Variants in LFNG observed in about 807,000 individuals in gnomAD.
LFNG encodes beta-1,3-N-acetylglucosaminyltransferase lunatic fringe.
A neutral mutation model predicts 32.7 loss-of-function variants in LFNG; 15 were observed. That is an observed-to-expected ratio of 0.46 (90% CI 0.31 to 0.71). The LOEUF is 0.71. LFNG is among the 30% of genes least tolerant of loss of function. The pLI is 0.06. For synonymous variants in LFNG, 274 were observed against 246.8 expected (o/e 1.11, Z -1.03); for missense variants, 520 against 545.7 (o/e 0.95, Z 0.47).
At chr7:2,516,070 C>A (rs893411887), upstream of LFNG, among the ~76,000 whole-genome samples, 4 of 152,230 alleles carry the variant, frequency 2.6e-5, no homozygotes, top group Admixed American at 2.6e-4. Context: ...CTGGGGGCTT[C>A]AAACACTGCC....
At chr7:2,524,060 G>A (rs927276295) in intron 1 of LFNG, among the ~76,000 whole-genome samples, 2 of 152,142 alleles carry the variant, frequency 1.3e-5, no homozygotes, top group Non-Finnish European at 2.9e-5. Context: ...TGCTTAACTC[G>A]GCCGAGTTAA....
At chr7:2,513,256 G>C, upstream of LFNG, 1 of 1,613,192 alleles carries the variant, frequency 6.2e-7, no homozygotes, top group Non-Finnish European at 8.5e-7. Flanking sequence ...CAGATGGATG[G>C]ATGGATGGAT....
Position 2,526,755 on chromosome 7 carries a change from A to T in LFNG, c.988-81A>T, listed in dbSNP as rs1779989230. 6 of 1,351,022 alleles carry T rather than the reference A, an allele frequency of 4.4e-6. No individual in the cohort carries two copies. Among genetic ancestry groups the T allele is most frequent in the Non-Finnish European group, 6.3e-6 (6 of 946,818 alleles). The allele number at this position is 1,351,022 out of a possible 1,614,324, so 83.7% of individuals were successfully genotyped here. Reference sequence around the variant, plus strand: ...GAGGCCAGGGCAGGGCCGTTGCCTCACTCAGGGCTGTGTGGCCAGCCTGGG... The same window carrying T: ...GAGGCCAGGGCAGGGCCGTTGCCTCTCTCAGGGCTGTGTGGCCAGCCTGGG... On this transcript the variant is annotated intron_variant, in intron 6 of 7. Transcript: ENST00000222725. The surrounding 1 kb of genome is among the most constrained non-coding windows in gnomAD (Gnocchi z 6.9).
chr7:2,519,670 G>A (rs528022110), upstream of LFNG, among the ~76,000 whole-genome samples: 1 of 149,414 alleles, frequency 6.7e-6, no homozygotes, highest in Non-Finnish European at 1.5e-5. Flanking sequence ...GGCGTGGAGC[G>A]GCGACCGGCG....
chr7:2,518,399 G>A (rs960776620), upstream of LFNG: 10 of 659,594 alleles, frequency 1.5e-5, no homozygotes, highest in Middle Eastern at 1.2e-3. Context: ...CCACCCAGCG[G>A]GTACAGGGGC....
chr7:2,526,798 C>T lies in LFNG; in HGVS notation c.988-38C>T, dbSNP rs201458148. The T allele has an allele frequency of 5.7e-6, 9 of 1,589,312 alleles. No homozygotes were observed. In the East Asian group the frequency reaches 6.7e-5, roughly 12 times the overall value. ...AGCCTGGGGCGGGGCCCAGGGATGT[C>T]GGGCCCCTCCCGGCATCACTCCGCC... is the stretch of plus-strand genomic sequence containing the variant. On this transcript the variant is annotated intron_variant, in intron 6 of 7. Transcript: ENST00000222725. The surrounding 1 kb of genome is among the most constrained non-coding windows in gnomAD (Gnocchi z 6.9).
chr7:2,517,105 A>G (rs1779645334), upstream of LFNG, among the ~76,000 whole-genome samples: 1 of 152,070 alleles, frequency 6.6e-6, no homozygotes, highest in South Asian at 2.1e-4. Context: ...TGTGTGGCCC[A>G]GTGGGCCCCT....
chr7:2,527,358 C>G lies in LFNG; in HGVS notation c.*146C>G. The G allele has an allele frequency of 6.9e-7, 1 of 1,442,800 alleles. No homozygotes were observed. Among genetic ancestry groups the G allele is most frequent in the South Asian group, 1.4e-5 (1 of 72,600 alleles). 89.4% of individuals were successfully genotyped at this position (1,442,800 alleles called of 1,614,324 possible). A position where few individuals can be genotyped will look rare whatever the true frequency, so the allele number is the denominator to read the frequency against. ...TGTGCGTGTGTGTGTGTGTGTACTG[C>G]ATGCCCACCCGGGTAGCAGGCTGCT... On this transcript the variant is annotated 3_prime_UTR_variant, in exon 8 of 8. Coordinates refer to ENST00000222725, the MANE Select transcript of LFNG (RefSeq NM_001040167.2). The surrounding 1 kb of genome is among the most constrained non-coding windows in gnomAD (Gnocchi z 4.4).
At position 2,520,294 on chromosome 7, in the gene LFNG, G is replaced by T. The variant is rs1247725277; in HGVS notation, c.432+1G>T. On this transcript the variant is annotated splice_donor_variant, in intron 1 of 7. Coordinates refer to ENST00000222725, the MANE Select transcript of LFNG (RefSeq NM_001040167.2). LOFTEE classifies it high-confidence loss of function. The surrounding 1 kb of genome is among the most constrained non-coding windows in gnomAD (Gnocchi z 5.0). ...CTGGATCTCGCGCCACAAGGAGATG[G>T]TGAGCCCCCCGCGGCCTGGACTGGC... The T allele has an allele frequency of 6.2e-7, 1 of 1,608,218 alleles. No individual in the cohort carries two copies.
At chr7:2,525,109 C>G (rs952778933) in intron 2 of LFNG, 110 bp from the exon 3 acceptor site, 4 of 993,270 alleles carry the variant, frequency 4.0e-6, no homozygotes, top group Non-Finnish European at 6.2e-6. Flanking sequence ...CCGGGCCCAG[C>G]TTGAACTAGG....
chr7:2,527,765 C>T lies in LFNG; in HGVS notation c.*553C>T. 2 of 1,011,992 alleles carry T rather than the reference C, an allele frequency of 2.0e-6. No individual in the cohort carries two copies. The highest frequency in any genetic ancestry group is 2.4e-6 in the Non-Finnish European group (2 of 844,294). The allele number at this position is 1,011,992 out of a possible 1,614,324, so 62.7% of individuals were successfully genotyped here. The stretch of plus-strand genomic sequence containing the variant: ...CCTGGACGCTGTGGCTTAAGAGTAA[C>T]AGCAGCCACCGCCCAGTTCCAGTGG... On this transcript the variant is annotated 3_prime_UTR_variant, in exon 8 of 8. Coordinates refer to ENST00000222725, the MANE Select transcript of LFNG (RefSeq NM_001040167.2). This position sits in a 1 kb window ranked among gnomAD's most constrained non-coding sequence, Gnocchi z 4.4.
rs557038507 is a variant in LFNG at position 2,526,629 on chromosome 7, C to T, written c.988-207C>T. Among the ~76,000 whole-genome samples, 23 of 152,270 alleles carry T rather than the reference C, an allele frequency of 1.5e-4. No individual in the cohort carries two copies. Among genetic ancestry groups the T allele is most frequent in the Admixed American group, 4.6e-4 (7 of 15,302 alleles). ...TCTTCACTGTGATGCGCCTACTGTG[C>T]GTATTTTGTCCACGCTGGCAATGCA... On this transcript the variant is annotated intron_variant, in intron 6 of 7. Coordinates refer to ENST00000222725, the MANE Select transcript of LFNG (RefSeq NM_001040167.2). The surrounding 1 kb of genome is among the most constrained non-coding windows in gnomAD (Gnocchi z 6.9).
In LFNG at chr7:2,526,334, C is replaced by T. The variant is rs1389137590; in HGVS notation, c.912C>T (p.Pro304=). 4.3e-6 allele frequency: 7 copies of T among 1,612,546 alleles called. No individual in the cohort carries two copies. Among genetic ancestry groups the T allele is most frequent in the Admixed American group, 1.7e-5 (1 of 60,014 alleles). ...GYIVEALLGV[P]LIRSGLFHSH... ...TCGTGGAGGCCCTGCTGGGTGTGCC[C>T]CTCATCCGCAGCGGCCTCTTCCACT... is the stretch of plus-strand genomic sequence containing the variant. The change falls in exon 6 of 8, where the codon CCC becomes CCT. Residue 304 remains proline (P), a synonymous_variant. Transcript: ENST00000222725. This position sits in a 1 kb window ranked among gnomAD's most constrained non-coding sequence, Gnocchi z 6.9.
At position 2,527,201 on chromosome 7, in the gene LFNG, G is replaced by T; in HGVS notation, c.1129G>T (p.Ala377Ser). Residue 377 changes from alanine to serine, a missense_variant, in exon 8 of 8, where the codon GCC becomes TCC. Ala to Ser is a moderately conservative substitution (Grantham distance 99). Around this residue, in one of 3 missense-constraint regions of LFNG, gnomAD observed 150 missense variants for 159.9 expected, o/e 0.94. Transcript: ENST00000222725. This position sits in a 1 kb window ranked among gnomAD's most constrained non-coding sequence, Gnocchi z 4.4. ...GGACACACCCTGGTGTCCCCGCACT[G>T]CCATCTTCTAGTGGCCATGGCTGAG... ...YPDTPWCPRT[A>S]IF 1 of 1,612,744 alleles carries T rather than the reference G, an allele frequency of 6.2e-7. No individual in the cohort carries two copies. Among genetic ancestry groups the T allele is most frequent in the Non-Finnish European group, 8.5e-7 (1 of 1,179,938 alleles).
upstream of LFNG, among the ~76,000 whole-genome samples, chr7:2,513,517 G>A (rs948121746): frequency 6.6e-6 from 1 of 152,166 alleles, no homozygotes; most frequent in Non-Finnish European, 1.5e-5. Flanking sequence ...GGGCTCCCCT[G>A]GGGCCAAGAC....
upstream of LFNG, among the ~76,000 whole-genome samples, chr7:2,516,812 T>C (rs928784962): frequency 5.3e-5 from 8 of 152,336 alleles, no homozygotes; most frequent in South Asian, 1.7e-3. Flanking sequence ...CTGGCCTGCC[T>C]GGTCTGGATG....
rs1006641096 is a variant in LFNG, at chr7:2,526,026, G to A, written c.822-218G>A. On this transcript the variant is annotated intron_variant, in intron 5 of 7. Coordinates refer to ENST00000222725, the MANE Select transcript of LFNG (RefSeq NM_001040167.2). The surrounding 1 kb of genome is among the most constrained non-coding windows in gnomAD (Gnocchi z 6.9). ...GCACCATCCGGCAGGACTCTTCCCT[G>A]CACCCAGATTCCCTCCACAGAGAGC... Among the ~76,000 whole-genome samples the A allele has an allele frequency of 1.3e-5, 2 of 152,130 alleles. No individual in the cohort carries two copies. The highest frequency in any genetic ancestry group is 4.8e-5 in the African/African-American group (2 of 41,444).
At chr7:2,516,545 G>T (rs978264133), upstream of LFNG, among the ~76,000 whole-genome samples, 1 of 152,230 alleles carries the variant, frequency 6.6e-6, no homozygotes, top group Non-Finnish European at 1.5e-5. Flanking sequence ...AGCCCTGGCA[G>T]TTAGAGGAGG....
Position 2,526,537 on chromosome 7 carries a change from C to T in LFNG, c.987+128C>T, listed in dbSNP as rs555159770. The stretch of plus-strand genomic sequence containing the variant: ...GGCCAGGCAGCACTCCACTGTCAGC[C>T]AGGGGGGGTCACTCCTGCCATGAGC... On this transcript the variant is annotated intron_variant, in intron 6 of 7. Coordinates refer to ENST00000222725, the MANE Select transcript of LFNG (RefSeq NM_001040167.2). This position sits in a 1 kb window ranked among gnomAD's most constrained non-coding sequence, Gnocchi z 6.9. 42 of 1,024,352 alleles carry T rather than the reference C, an allele frequency of 4.1e-5. No individual in the cohort carries two copies. The South Asian group carries it at 5.4e-4, about 13-fold the overall frequency. The allele number at this position is 1,024,352 out of a possible 1,614,324, so 63.5% of individuals were successfully genotyped here.
Sources: allele counts gnomAD v4.1 joint callset (sites outside exome capture counted in the v4.1 genomes callset), GRCh38; gene constraint gnomAD v4.1.1; regional missense constraint gnomAD v4.1.1; non-coding constraint Gnocchi (gnomAD v3.1); transcripts MANE v1.5; gene names NCBI Gene and HGNC (gene_info 2026-07-23, HGNC 2026-07-21).